The following NCAM2 variants were observed in gnomAD, a reference collection of about 807,000 sequenced individuals.
NCAM2 encodes the protein neural cell adhesion molecule 2, also known as N-CAM-2.
Under a neutral mutation model 98.1 loss-of-function variants are expected in NCAM2, and 30 were observed. The ratio of observed to expected loss-of-function variants is 0.31; its 90% confidence interval spans 0.23 to 0.41. NCAM2 has a LOEUF of 0.41. Ranked by LOEUF, NCAM2 falls within the 10% of genes least tolerant of loss-of-function variation. NCAM2 has a pLI of 1.00. For missense variants in NCAM2, 867 were observed against 1,005.8 expected (o/e 0.86, Z 1.87); for synonymous variants, 368 against 342.4 (o/e 1.07, Z -0.83).
At chr21:21,337,936 A>T (rs534547359) in intron 7 of NCAM2, among the ~76,000 whole-genome samples, 11 of 152,080 alleles carry the variant, frequency 7.2e-5, no homozygotes, top group Non-Finnish European at 1.5e-4. Flanking sequence ...AGCTTAAGAG[A>T]GAATTAAACC....
At chr21:21,430,702 C>G (rs1340722802) in intron 11 of NCAM2, among the ~76,000 whole-genome samples, 1 of 151,928 alleles carries the variant, frequency 6.6e-6, no homozygotes, top group African/African-American at 2.4e-5. Context: ...CCCCATGATT[C>G]AGTTACCTCC....
At chr21:21,081,158 C>T (rs143555137) in intron 1 of NCAM2, among the ~76,000 whole-genome samples, 9 of 152,196 alleles carry the variant, frequency 5.9e-5, no homozygotes, top group Non-Finnish European at 8.8e-5. Context: ...TAGAGTTGTA[C>T]GCATGCTCAC....
intron 16 of NCAM2, among the ~76,000 whole-genome samples, chr21:21,531,696 A>G (rs1989704503): frequency 6.6e-6 from 1 of 151,992 alleles, no homozygotes. Context: ...CAATTGCCTC[A>G]TTTACTCTTT....
intron 15 of NCAM2, among the ~76,000 whole-genome samples, chr21:21,497,216 G>C (rs923818100): frequency 1.3e-4 from 20 of 152,094 alleles, no homozygotes; most frequent in Non-Finnish European, 2.1e-4. Flanking sequence ...CTAGAGGATG[G>C]GGTGTGGGTT....
At chr21:21,161,572 T>A (rs1465925124) in intron 1 of NCAM2, among the ~76,000 whole-genome samples, 1 of 151,736 alleles carries the variant, frequency 6.6e-6, no homozygotes. Context: ...TGTGTGTGTG[T>A]GTGTGTGTAT....
intron 16 of NCAM2, among the ~76,000 whole-genome samples, chr21:21,528,483 A>G (rs1989449301): frequency 1.3e-5 from 2 of 152,174 alleles, no homozygotes; most frequent in Admixed American, 1.3e-4. Flanking sequence ...TCTCCCTCTC[A>G]ATTTTGCTAT....
At chr21:21,461,019 A>C (rs997244561) in intron 12 of NCAM2, among the ~76,000 whole-genome samples, 3 of 151,886 alleles carry the variant, frequency 2.0e-5, no homozygotes, top group African/African-American at 7.2e-5. Context: ...TGAGTGAAAA[A>C]ATTTAGCAAT....
At chr21:21,533,617 A>T (rs1989826796) in intron 16 of NCAM2, among the ~76,000 whole-genome samples, 1 of 151,074 alleles carries the variant, frequency 6.6e-6, no homozygotes, top group African/African-American at 2.4e-5. Flanking sequence ...CTGTTGAATG[A>T]ATACAAATTG....
intron 1 of NCAM2, among the ~76,000 whole-genome samples, chr21:21,118,470 A>C (rs2066608465): frequency 6.6e-6 from 1 of 152,162 alleles, no homozygotes; most frequent in Non-Finnish European, 1.5e-5. Flanking sequence ...CAGTTCAGAC[A>C]AGCTAAAAGG....
At chr21:21,333,755 C>CTATTAT (rs903310402) in intron 6 of NCAM2, among the ~76,000 whole-genome samples, 25 of 151,336 alleles carry the variant, frequency 1.7e-4, no homozygotes, top group Admixed American at 8.6e-4. Flanking sequence ...CTCTACCGTG[C>CTATTAT]TATTATTATT....
chr21:21,390,381 G>T (rs993872488), intron 9 of NCAM2, among the ~76,000 whole-genome samples: 8 of 152,062 alleles, frequency 5.3e-5, no homozygotes, highest in Admixed American at 2.6e-4. Flanking sequence ...GAGGCCACTG[G>T]AGAGTTCTGA....
intron 1 of NCAM2, among the ~76,000 whole-genome samples, chr21:21,149,400 T>C (rs953862831): frequency 6.6e-6 from 1 of 152,140 alleles, no homozygotes; most frequent in Non-Finnish European, 1.5e-5. Context: ...TTTGTCTACT[T>C]TTTGATTTTT....
intron 15 of NCAM2, among the ~76,000 whole-genome samples, chr21:21,490,670 G>C (rs1986775234): frequency 6.6e-6 from 1 of 151,192 alleles, no homozygotes. Context: ...GTTTTAAATA[G>C]TGTACACAAT....
intron 1 of NCAM2, among the ~76,000 whole-genome samples, chr21:21,069,744 TA>T (rs1568989243): frequency 6.6e-6 from 1 of 152,050 alleles, no homozygotes; most frequent in Non-Finnish European, 1.5e-5. Flanking sequence ...GGTACAAAGC[TA>T]AAAAAGAAGG....
At chr21:21,131,721 A>G (rs907725604) in intron 1 of NCAM2, among the ~76,000 whole-genome samples, 5 of 152,176 alleles carry the variant, frequency 3.3e-5, no homozygotes, top group Non-Finnish European at 5.9e-5. Flanking sequence ...GACACTACCT[A>G]TATAATAGTG....
At chr21:21,112,326 A>G (rs1198299056) in intron 1 of NCAM2, among the ~76,000 whole-genome samples, 1 of 152,102 alleles carries the variant, frequency 6.6e-6, no homozygotes, top group Non-Finnish European at 1.5e-5. Flanking sequence ...ATTTTCGCTT[A>G]GAGAAATATT....
At chr21:21,388,200 C>G (rs1329927539) in intron 9 of NCAM2, among the ~76,000 whole-genome samples, 3 of 152,138 alleles carry the variant, frequency 2.0e-5, no homozygotes, top group Non-Finnish European at 4.4e-5. Flanking sequence ...ACATCACATC[C>G]AAAAATGTCA....
chr21:21,365,162 C>G (rs1269267313), intron 8 of NCAM2, among the ~76,000 whole-genome samples: 7 of 151,848 alleles, frequency 4.6e-5, no homozygotes, highest in Admixed American at 1.3e-4. Flanking sequence ...GACAGAATTT[C>G]ACACACACAC....
chr21:21,519,636 G>A (rs866057664), intron 16 of NCAM2, among the ~76,000 whole-genome samples: 1 of 151,970 alleles, frequency 6.6e-6, no homozygotes, highest in Middle Eastern at 3.4e-3. Context: ...TAAGGAATTG[G>A]GAAAATGAAA....
Sources: allele counts gnomAD v4.1 joint callset (sites outside exome capture counted in the v4.1 genomes callset), GRCh38; gene constraint gnomAD v4.1.1; transcripts MANE v1.5; gene names NCBI Gene and HGNC (gene_info 2026-07-23, HGNC 2026-07-21).